TRABD2B: variants seen among roughly 807,000 people sequenced by gnomAD.
TRABD2B encodes TraB domain containing 2B, also known as metalloprotease TIKI2.
A neutral mutation model predicts 40.1 loss-of-function variants in TRABD2B; 14 were observed. That is an observed-to-expected ratio of 0.35 (90% CI 0.23 to 0.55). The LOEUF is 0.55. TRABD2B is among the 20% of genes least tolerant of loss of function. The pLI, the probability that TRABD2B is intolerant of heterozygous loss-of-function variation, is 0.90. For missense variants in TRABD2B, 541 were observed against 648.6 expected (o/e 0.83, Z 1.80); for synonymous variants, 263 against 277.0 (o/e 0.95, Z 0.50).
At chr1:47,794,883 C>A (rs1644726948) in intron 3 of TRABD2B, 123 bp from the exon 4 acceptor site, 2 of 921,624 alleles carry the variant, frequency 2.2e-6, no homozygotes, top group South Asian at 3.9e-5. Context: ...CTGGCTCAAG[C>A]CATCCTCCTG....
intron 2 of TRABD2B, among the ~76,000 whole-genome samples, chr1:47,934,568 C>T (rs1645082010): frequency 6.6e-6 from 1 of 152,208 alleles, no homozygotes; most frequent in Admixed American, 6.5e-5. Flanking sequence ...TTGGGGAGTT[C>T]TCTTGGTGCT....
intron 2 of TRABD2B, among the ~76,000 whole-genome samples, chr1:47,802,773 C>T (rs7543549): frequency 0.31 from 47,683 of 151,992 alleles, 7,936 homozygotes; most frequent in Non-Finnish European, 0.38. Flanking sequence ...GGGCACACCC[C>T]CTCCCTTCTC....
At chr1:47,948,952 T>C (rs1200677396) in intron 2 of TRABD2B, among the ~76,000 whole-genome samples, 1 of 152,170 alleles carries the variant, frequency 6.6e-6, no homozygotes, top group African/African-American at 2.4e-5. Context: ...TAAATCCTCA[T>C]GACAAATCTA....
At chr1:47,770,659 C>T (rs1305334590) in intron 6 of TRABD2B, among the ~76,000 whole-genome samples, 1 of 152,256 alleles carries the variant, frequency 6.6e-6, no homozygotes, top group African/African-American at 2.4e-5. Flanking sequence ...TGGCACCACA[C>T]TGGAAGCCAT....
intron 2 of TRABD2B, among the ~76,000 whole-genome samples, chr1:47,802,049 T>C (rs1025911030): frequency 6.6e-6 from 1 of 152,222 alleles, no homozygotes; most frequent in African/African-American, 2.4e-5. Context: ...CCCGGTTGGA[T>C]GTCAAGGCCC....
chr1:47,943,799 C>CAG (rs1553167731), intron 2 of TRABD2B, among the ~76,000 whole-genome samples: 4 of 129,738 alleles, frequency 3.1e-5, no homozygotes, highest in Admixed American at 2.3e-4. Context: ...CACACACACA[C>CAG]AGAACACAAT....
At position 47,763,753 on chromosome 1, in the gene TRABD2B, C is replaced by G. The variant is rs1203074304; in HGVS notation, c.*2149G>C. On this transcript the variant is annotated 3_prime_UTR_variant, in exon 7 of 7. Coordinates refer to ENST00000606738, the MANE Select transcript of TRABD2B (RefSeq NM_001194986.2). ...TACTCTGCCCCAAACAGAGAGGAATCTGGCCTGTGTGCTTCTAATTCCTTT... is the reference window on the plus strand; with the variant it reads ...TACTCTGCCCCAAACAGAGAGGAATGTGGCCTGTGTGCTTCTAATTCCTTT... 1 of 152,258 alleles carries G rather than the reference C, an allele frequency of 6.6e-6. No individual in the cohort carries two copies. Among genetic ancestry groups the G allele is most frequent in the Non-Finnish European group, 1.5e-5 (1 of 68,060 alleles). 9.4% of individuals were successfully genotyped at this position (152,258 alleles called of 1,614,324 possible).
intron 2 of TRABD2B, among the ~76,000 whole-genome samples, chr1:47,837,364 G>C (rs888358180): frequency 6.6e-6 from 1 of 152,118 alleles, no homozygotes; most frequent in Middle Eastern, 3.2e-3. Flanking sequence ...GGGATCCAAG[G>C]GTGACCAGGC....
intron 2 of TRABD2B, among the ~76,000 whole-genome samples, chr1:47,943,133 C>T (rs1041404823): frequency 4.6e-5 from 7 of 152,178 alleles, no homozygotes; most frequent in Non-Finnish European, 7.4e-5. Context: ...GGGGATAACA[C>T]TGGTTACTCC....
At chr1:47,961,279 T>C (rs1449455255) in intron 2 of TRABD2B, among the ~76,000 whole-genome samples, 1 of 152,164 alleles carries the variant, frequency 6.6e-6, no homozygotes, top group East Asian at 1.9e-4. Context: ...ACCTACGCAA[T>C]ACCATTCAGG....
chr1:47,826,416 CA>C (rs1197313727), intron 2 of TRABD2B, among the ~76,000 whole-genome samples: 2 of 151,932 alleles, frequency 1.3e-5, no homozygotes, highest in Non-Finnish European at 2.9e-5. Context: ...ATGTATTTTA[CA>C]TATGTAATTT....
chr1:47,902,221 C>T (rs1644610014), intron 2 of TRABD2B, among the ~76,000 whole-genome samples: 1 of 152,198 alleles, frequency 6.6e-6, no homozygotes, highest in Non-Finnish European at 1.5e-5. Context: ...AACCTCATGG[C>T]TTGCGGTTCT....
Position 47,994,227 on chromosome 1 carries a change from C to T in TRABD2B, c.473G>A (p.Trp158Ter), listed in dbSNP as rs1168090856. Residue 158 changes from tryptophan to a stop codon, truncating the protein, a stop_gained, in exon 2 of 7, where the codon TGG (tryptophan) becomes TAG (stop). Transcript: ENST00000606738. LOFTEE classifies it high-confidence loss of function. This position sits in a 1 kb window ranked among gnomAD's most constrained non-coding sequence, Gnocchi z 6.7. ...DYLFNAIAGN[W>*]ERKRPVWVML... ...CACCCAGACGGGCCTCTTGCGCTCC[C>T]AGTTGCCCGCGATGGCATTGAATAG... The T allele has an allele frequency of 1.3e-6, 2 of 1,546,168 alleles. No homozygotes were observed. Among genetic ancestry groups the T allele is most frequent in the African/African-American group, 1.4e-5 (1 of 73,578 alleles).
At chr1:47,897,501 AG>A (rs1262551112) in intron 2 of TRABD2B, among the ~76,000 whole-genome samples, 2 of 152,194 alleles carry the variant, frequency 1.3e-5, no homozygotes, top group Non-Finnish European at 2.9e-5. Flanking sequence ...AGGACCCTGG[AG>A]GGCAGCTGCA....
chr1:47,970,572 T>C (rs1645666568), intron 2 of TRABD2B, among the ~76,000 whole-genome samples: 1 of 152,246 alleles, frequency 6.6e-6, no homozygotes, highest in Non-Finnish European at 1.5e-5. Context: ...TCATCTGTAC[T>C]GGTCAGCTAT....
intron 2 of TRABD2B, among the ~76,000 whole-genome samples, chr1:47,873,561 G>A (rs138723578): frequency 2.0e-5 from 3 of 152,302 alleles, no homozygotes; most frequent in East Asian, 1.9e-4. Context: ...CCAGGACAAC[G>A]AGGGAAGCAG....
At chr1:47,848,519 C>T (rs903234980) in intron 2 of TRABD2B, among the ~76,000 whole-genome samples, 15 of 152,220 alleles carry the variant, frequency 9.9e-5, no homozygotes, top group Admixed American at 9.2e-4. Flanking sequence ...AACCTGGACC[C>T]TAAAAGCAAA....
At chr1:47,816,496 T>C (rs1313573151) in intron 2 of TRABD2B, among the ~76,000 whole-genome samples, 1 of 152,210 alleles carries the variant, frequency 6.6e-6, no homozygotes, top group Non-Finnish European at 1.5e-5. Flanking sequence ...TTTTTTTGAA[T>C]GTGCAATTTG....
At chr1:47,833,481 G>A (rs1206544720) in intron 2 of TRABD2B, among the ~76,000 whole-genome samples, 1 of 152,240 alleles carries the variant, frequency 6.6e-6, no homozygotes, top group Non-Finnish European at 1.5e-5. Context: ...TCTGGCTGGG[G>A]AATGATCATT....
Sources: allele counts gnomAD v4.1 joint callset (sites outside exome capture counted in the v4.1 genomes callset), GRCh38; gene constraint gnomAD v4.1.1; non-coding constraint Gnocchi (gnomAD v3.1); transcripts MANE v1.5; gene names NCBI Gene and HGNC (gene_info 2026-07-23, HGNC 2026-07-21).